The following IGSF11 variants were observed in gnomAD, a reference collection of about 807,000 sequenced individuals.
The protein encoded by IGSF11 is CXADR like 1.
IGSF11 carries 22 observed loss-of-function variants against 41.0 expected under a neutral mutation model. The observed-to-expected ratio is 0.54, with a 90% confidence interval of 0.38 to 0.77. The LOEUF is 0.77. Among genes scored for constraint, IGSF11 ranks in the 30% least tolerant of loss-of-function variants. IGSF11 has a pLI of 0.00. For synonymous variants in IGSF11, 219 were observed against 201.3 expected (o/e 1.09, Z -0.74); for missense variants, 444 against 530.8 (o/e 0.84, Z 1.61).
At chr3:119,007,593 A>C (rs6438481) in intron 1 of IGSF11, among the ~76,000 whole-genome samples, 8 of 151,736 alleles carry the variant, frequency 5.3e-5, no homozygotes, top group African/African-American at 1.9e-4. Flanking sequence ...ATTCTCCCCC[A>C]ACCATCTCAG....
intron 1 of IGSF11, among the ~76,000 whole-genome samples, chr3:119,140,944 T>C (rs933366304): frequency 6.7e-6 from 1 of 148,582 alleles, no homozygotes; most frequent in Non-Finnish European, 1.5e-5. Context: ...CTCAGGAGGC[T>C]GAGGCAGGAA....
intron 1 of IGSF11, among the ~76,000 whole-genome samples, chr3:118,940,301 C>A (rs1391112530): frequency 1.3e-5 from 2 of 152,198 alleles, no homozygotes; most frequent in Non-Finnish European, 2.9e-5. Context: ...CTACAAAAAA[C>A]CAACTAATTC....
intron 1 of IGSF11, among the ~76,000 whole-genome samples, chr3:118,970,084 C>T (rs1015003526): frequency 1.3e-5 from 2 of 152,208 alleles, no homozygotes; most frequent in East Asian, 1.9e-4. Context: ...TATTCTCCAG[C>T]CACACTGGGC....
chr3:119,001,031 T>A (rs1006626286), intron 1 of IGSF11, among the ~76,000 whole-genome samples: 8 of 152,148 alleles, frequency 5.3e-5, no homozygotes, highest in African/African-American at 1.9e-4. Context: ...TTTTTGCTGT[T>A]CTTCAATCAT....
rs564446261 is a variant in IGSF11 at position 119,055,272 on chromosome 3, C to T, written c.49+49872G>A. 3.9e-3 allele frequency among the ~76,000 whole-genome samples: 592 copies of T among 152,270 alleles called. 2 individuals carry two copies. Among genetic ancestry groups the T allele is most frequent in the Non-Finnish European group, 6.9e-3 (471 of 68,024 alleles). ...AGAAACTCTAAAAATCAGAGCACCT[C>T]TCCTCCTCCAAAGGAATGCAGCTTC... On this transcript the variant is annotated intron_variant, in intron 1 of 6. Transcript: ENST00000354673.
At chr3:119,117,161 T>A (rs2077268759) in intron 1 of IGSF11, among the ~76,000 whole-genome samples, 1 of 151,744 alleles carries the variant, frequency 6.6e-6, no homozygotes, top group Admixed American at 6.6e-5. Flanking sequence ...CCTCAGATGA[T>A]TACACATGGA....
At chr3:118,985,977 A>C (rs1379639741) in intron 1 of IGSF11, among the ~76,000 whole-genome samples, 2 of 152,154 alleles carry the variant, frequency 1.3e-5, no homozygotes, top group African/African-American at 4.8e-5. Flanking sequence ...GCACGACAAA[A>C]AGGACTTCCA....
chr3:119,120,152 T>C (rs1457469689), intron 1 of IGSF11, among the ~76,000 whole-genome samples: 1 of 152,184 alleles, frequency 6.6e-6, no homozygotes, highest in Non-Finnish European at 1.5e-5. Flanking sequence ...CACAGAACCC[T>C]TTGGCAAAGC....
intron 1 of IGSF11, among the ~76,000 whole-genome samples, chr3:119,021,855 C>A (rs766677594): frequency 2.5e-4 from 38 of 152,088 alleles, no homozygotes; most frequent in Non-Finnish European, 1.5e-4. Flanking sequence ...AACTTCTGTT[C>A]TTTAAAAGAC....
At chr3:119,122,994 A>C (rs28804813) in intron 1 of IGSF11, among the ~76,000 whole-genome samples, 4,473 of 152,254 alleles carry the variant, frequency 0.029, 204 homozygotes, top group African/African-American at 0.1. Context: ...TTTGGCTTGC[A>C]TCTTAGGTAC....
At chr3:118,973,851 T>C (rs191383843) in intron 1 of IGSF11, among the ~76,000 whole-genome samples, 1 of 151,980 alleles carries the variant, frequency 6.6e-6, no homozygotes, top group Admixed American at 6.6e-5. Context: ...ATAGGGCTCA[T>C]CAGAAAACCA....
chr3:119,023,038 G>T (rs796934894), intron 1 of IGSF11, among the ~76,000 whole-genome samples: 20 of 152,142 alleles, frequency 1.3e-4, no homozygotes, highest in African/African-American at 4.6e-4. Flanking sequence ...GAGGCAGGAG[G>T]ATCACCTGAT....
intron 1 of IGSF11, among the ~76,000 whole-genome samples, chr3:119,051,405 G>C (rs1208655904): frequency 6.6e-6 from 1 of 151,944 alleles, no homozygotes; most frequent in Non-Finnish European, 1.5e-5. Context: ...ATAATAAAAA[G>C]ATTAGTCCAA....
At chr3:119,106,346 T>C (rs1162603819), upstream of IGSF11, among the ~76,000 whole-genome samples, 1 of 152,156 alleles carries the variant, frequency 6.6e-6, no homozygotes, top group Non-Finnish European at 1.5e-5. Flanking sequence ...CCATCACCAT[T>C]TCCCCCCGAA....
chr3:119,140,007 C>T (rs1347905558), intron 1 of IGSF11, among the ~76,000 whole-genome samples: 1 of 151,430 alleles, frequency 6.6e-6, no homozygotes, highest in Non-Finnish European at 1.5e-5. Flanking sequence ...GAAAATAACT[C>T]CAAAAATAGT....
intron 1 of IGSF11, among the ~76,000 whole-genome samples, chr3:119,113,095 C>T (rs972231792): frequency 6.6e-6 from 1 of 152,176 alleles, no homozygotes; most frequent in Non-Finnish European, 1.5e-5. Flanking sequence ...GCCCCACGAT[C>T]CAATTACATC....
At chr3:118,970,138 G>A (rs1449739185) in intron 1 of IGSF11, among the ~76,000 whole-genome samples, 1 of 152,156 alleles carries the variant, frequency 6.6e-6, no homozygotes, top group Non-Finnish European at 1.5e-5. Context: ...CTTTTCTGAG[G>A]ACAGAAATAA....
chr3:118,928,265 C>G lies in IGSF11; in HGVS notation c.424+244G>C, dbSNP rs372879199. 5.9e-5 allele frequency among the ~76,000 whole-genome samples: 9 copies of G among 152,184 alleles called. No homozygotes were observed. The South Asian group carries it at 1.9e-3, about 32-fold the overall frequency. On this transcript the variant is annotated intron_variant, in intron 3 of 6. Transcript: ENST00000393775. ...GACCACTTCTGATGGTATTTGATAC[C>G]ATCTTTCTTCACCTTCAGAAGAAAG... is the stretch of plus-strand genomic sequence containing the variant.
chr3:118,935,531 T>C (rs1943206423), intron 1 of IGSF11, among the ~76,000 whole-genome samples: 1 of 150,914 alleles, frequency 6.6e-6, no homozygotes, highest in Non-Finnish European at 1.5e-5. Context: ...TGGCTGAAAA[T>C]TGGTTATATA....
Sources: allele counts gnomAD v4.1 joint callset (sites outside exome capture counted in the v4.1 genomes callset), GRCh38; gene constraint gnomAD v4.1.1; transcripts MANE v1.5; gene names NCBI Gene and HGNC (gene_info 2026-07-23, HGNC 2026-07-21).